Variants in BCCIP observed in about 807,000 individuals in gnomAD.
The protein encoded by BCCIP is BRCA2 and CDKN1A-interacting protein.
Under a neutral mutation model 32.8 loss-of-function variants are expected in BCCIP, and 23 were observed. The ratio of observed to expected loss-of-function variants is 0.70; its 90% CI spans 0.51 to 0.99. The LOEUF is 0.99. BCCIP is among the 50% of genes least tolerant of loss of function. BCCIP has a pLI of 0.00. For synonymous variants in BCCIP, 144 were observed against 137.6 expected (o/e 1.05, Z -0.33); for missense variants, 378 against 379.8 (o/e 1.00, Z 0.04).
chr10:125,834,086 AGCAGCTAACATAGTGCCAGGT>A, intron 6 of BCCIP, 140 bp downstream of exon 6: 2 of 883,088 alleles, frequency 2.3e-6, no homozygotes, highest in Non-Finnish European at 3.5e-6. Flanking sequence ...CACAGGACCT[AGCAGCTAACATAGTGCCAGGT>A]GCATAGTAGG....
downstream of BCCIP, among the ~76,000 whole-genome samples, chr10:125,847,199 GGTT>G (rs1944032823): frequency 6.6e-6 from 1 of 152,048 alleles, no homozygotes; most frequent in African/African-American, 2.4e-5. Flanking sequence ...GATTTTTCTA[GGTT>G]GTTCTGGGAC....
chr10:125,852,705 C>T, intron 7 of BCCIP: 6 of 1,431,970 alleles, frequency 4.2e-6, no homozygotes, highest in Non-Finnish European at 5.7e-6. Flanking sequence ...GCTCACTGAT[C>T]CTGAAGAGAA....
chr10:125,852,231 G>T (rs570198207), intron 7 of BCCIP: 2 of 1,582,662 alleles, frequency 1.3e-6, no homozygotes, highest in East Asian at 4.5e-5. Flanking sequence ...TCAGGACAGA[G>T]AATGGGCAGG....
intron 7 of BCCIP, chr10:125,852,164 T>A: frequency 8.5e-7 from 1 of 1,176,602 alleles, no homozygotes; most frequent in Non-Finnish European, 1.2e-6. Context: ...GGAAAATGCT[T>A]CAGTCCAAAC....
intron 1 of BCCIP, among the ~76,000 whole-genome samples, chr10:125,824,027 C>T (rs937225964): frequency 1.3e-5 from 2 of 152,212 alleles, no homozygotes; most frequent in East Asian, 3.9e-4. Context: ...GATCCTGAAT[C>T]GGCCACCCCG....
downstream of BCCIP, among the ~76,000 whole-genome samples, chr10:125,839,389 G>A (rs1335343231): frequency 3.9e-5 from 6 of 152,246 alleles, no homozygotes; most frequent in Non-Finnish European, 8.8e-5. Flanking sequence ...CAGGAAGGGA[G>A]ACGGTGCCAC....
intron 5 of BCCIP, 64 bp from the exon 6 acceptor site, chr10:125,833,708 C>T: frequency 1.3e-6 from 2 of 1,580,906 alleles, no homozygotes; most frequent in Non-Finnish European, 1.7e-6. Flanking sequence ...TTTCTGTGCT[C>T]TGGTTTGTTG....
At chr10:125,827,095 A>G (rs73381216) in intron 2 of BCCIP, among the ~76,000 whole-genome samples, 7 of 151,578 alleles carry the variant, frequency 4.6e-5, no homozygotes, top group Non-Finnish European at 8.8e-5. Context: ...GGAAGGAAGA[A>G]TTATTTCCTT....
downstream of BCCIP, chr10:125,838,077 ACTG>A: frequency 1.2e-6 from 1 of 804,590 alleles, no homozygotes; most frequent in African/African-American, 1.7e-5. Context: ...CTTAGTAGGT[ACTG>A]TCAACGTAAA....
chr10:125,834,460 A>G (rs1854600536), intron 6 of BCCIP, among the ~76,000 whole-genome samples: 1 of 152,024 alleles, frequency 6.6e-6, no homozygotes, highest in African/African-American at 2.4e-5. Flanking sequence ...TTGTACTGTG[A>G]TGGACAGCCA....
downstream of BCCIP, among the ~76,000 whole-genome samples, chr10:125,843,464 T>G (rs904725110): frequency 6.6e-6 from 1 of 151,966 alleles, no homozygotes; most frequent in Non-Finnish European, 1.5e-5. Flanking sequence ...TACAAAAAAT[T>G]AGCCGGGCGT....
Position 125,830,554 on chromosome 10 carries a change from TA to T in BCCIP, c.322-4del. The T allele has an allele frequency of 6.3e-7, 1 of 1,575,584 alleles. No individual in the cohort carries two copies. Among genetic ancestry groups the T allele is most frequent in the Non-Finnish European group, 8.6e-7 (1 of 1,156,356 alleles). On this transcript the variant is annotated splice_region_variant and splice_polypyrimidine_tract_variant and intron_variant, in intron 3 of 6. Transcript: ENST00000278100. ...TATAACATTTAAATATTTTTTCTTT[TA>T]AAATAGCAAACGGATGTTTCAGAAG...
Position 125,841,743 on chromosome 10 carries a change from C to T in BCCIP, c.*384C>T, listed in dbSNP as rs752953061. ...GAAAAGGAATAGTCATTAAGGATAC[C>T]TGTTACCATGGCTGCGATTGTTAGC... On this transcript the variant is annotated 3_prime_UTR_variant, in exon 7 of 7. Coordinates refer to the BCCIP transcript ENST00000299130. 2.5e-6 allele frequency: 4 copies of T among 1,609,514 alleles called. No individual in the cohort carries two copies. The South Asian group carries it at 4.5e-5, about 18-fold the overall frequency.
Position 125,833,807 on chromosome 10 carries a change from C to T in BCCIP, c.635C>T (p.Pro212Leu), listed in dbSNP as rs1366792386. The T allele has an allele frequency of 1.2e-6, 2 of 1,614,032 alleles. No individual in the cohort carries two copies. Among genetic ancestry groups the T allele is most frequent in the African/African-American group, 2.7e-5 (2 of 74,884 alleles). ...GCGGGGGCACACAGAACCAATAAGC[C>T]ATGTGGGAAGTGCTACTTTTACCTT... is the stretch of plus-strand genomic sequence containing the variant. Reference protein sequence around the residue: ...ELAGAHRTNKPCGKCYFYLLI... With the variant: ...ELAGAHRTNKLCGKCYFYLLI... Residue 212 changes from proline (P) to leucine (L), a missense_variant, in exon 6 of 7, where the codon CCA becomes CTA. By Grantham distance (98) the Pro-to-Leu change is moderately conservative. Transcript: ENST00000278100.
chr10:125,853,436 A>G, exon 8 of BCCIP: 1 of 317,898 alleles, frequency 3.1e-6, no homozygotes, highest in South Asian at 1.2e-4. Context: ...TTTAAAAGTA[A>G]TAAAGAATAT....
intron 1 of BCCIP, 195 bp from the exon 2 acceptor site, chr10:125,826,396 T>A (rs1358233853): frequency 2.2e-5 from 18 of 801,974 alleles, no homozygotes; most frequent in Non-Finnish European, 3.1e-5. Context: ...CTGGTTTATT[T>A]GAACTGGACT....
chr10:125,834,025 C>CTTATTGACTTGG (rs1854590362), intron 6 of BCCIP, 79 bp downstream of exon 6: 10 of 1,475,992 alleles, frequency 6.8e-6, no homozygotes, highest in Non-Finnish European at 8.4e-6. Context: ...ATTGTTCTCC[C>CTTATTGACTTGG]ACTTTAGGTC....
intron 5 of BCCIP, among the ~76,000 whole-genome samples, chr10:125,832,201 T>A (rs1309963049): frequency 6.6e-6 from 1 of 151,866 alleles, no homozygotes; most frequent in Non-Finnish European, 1.5e-5. Flanking sequence ...CTATCTAATT[T>A]AAATTTTTTT....
intron 1 of BCCIP, among the ~76,000 whole-genome samples, chr10:125,825,137 C>T (rs1381548260): frequency 4.1e-4 from 62 of 152,278 alleles, no homozygotes; most frequent in African/African-American, 1.3e-3. Context: ...CATGGGAAAT[C>T]TATCACACCA....
Sources: gnomAD v4.1 joint callset for allele counts (sites outside exome capture counted in the v4.1 genomes callset) on GRCh38, gnomAD v4.1.1 for gene constraint, MANE v1.5 for transcripts, NCBI Gene and HGNC (gene_info 2026-07-23, HGNC 2026-07-21) for gene names.